The following NELL2 variants were observed in gnomAD, a reference collection of about 807,000 sequenced individuals.
The protein encoded by NELL2 is neural EGFL like 2, also known as protein kinase C-binding protein NELL2.
A neutral mutation model predicts 109.6 loss-of-function variants in NELL2; 41 were observed. The observed-to-expected ratio is 0.37, with a 90% CI of 0.29 to 0.49. NELL2 has a LOEUF of 0.49. Among genes scored for constraint, NELL2 ranks in the 20% least tolerant of loss-of-function variants. The probability of loss-of-function intolerance (pLI) is 0.98; values close to 1 mark genes in which losing one functional copy is unlikely to be tolerated. For synonymous variants in NELL2, 355 were observed against 344.7 expected, an observed-to-expected ratio of 1.03 and a Z score of -0.33; for missense variants, 900 against 1,008.3, an observed-to-expected ratio of 0.89 and a Z score of 1.45.
At chr12:44,809,483 T>G (rs1943105766) in intron 3 of NELL2, among the ~76,000 whole-genome samples, 1 of 151,884 alleles carries the variant, frequency 6.6e-6, no homozygotes, top group Admixed American at 6.6e-5. Context: ...TACTGTCTGG[T>G]TTTTTTTAGG....
upstream of NELL2, among the ~76,000 whole-genome samples, chr12:44,916,477 A>G (rs1945829695): frequency 6.6e-6 from 1 of 152,188 alleles, no homozygotes. Flanking sequence ...ATAAGGAAGC[A>G]AGAGAATTCC....
At chr12:44,573,186 C>A (rs1304705299) in intron 15 of NELL2, among the ~76,000 whole-genome samples, 1 of 152,196 alleles carries the variant, frequency 6.6e-6, no homozygotes, top group East Asian at 1.9e-4. Flanking sequence ...GCTCTCAAGC[C>A]ATAGGAAATT....
At chr12:44,586,303 T>TAC (rs200206949) in intron 15 of NELL2, among the ~76,000 whole-genome samples, 23 of 149,682 alleles carry the variant, frequency 1.5e-4, no homozygotes, top group African/African-American at 5.4e-4. Flanking sequence ...TATAGATATA[T>TAC]ACACACACAC....
chr12:44,861,232 C>A (rs150392866), intron 2 of NELL2, among the ~76,000 whole-genome samples: 7 of 152,088 alleles, frequency 4.6e-5, no homozygotes, highest in African/African-American at 1.7e-4. Flanking sequence ...CTTGAGGAAA[C>A]GAAATAAAAA....
chr12:44,603,504 G>C (rs1376848329), intron 15 of NELL2, among the ~76,000 whole-genome samples: 1 of 152,126 alleles, frequency 6.6e-6, no homozygotes, highest in Non-Finnish European at 1.5e-5. Flanking sequence ...TGATAAAGCT[G>C]TAAACCTTGG....
intron 9 of NELL2, among the ~76,000 whole-genome samples, chr12:44,726,127 T>TA (rs564534183): frequency 6.6e-6 from 1 of 151,946 alleles, no homozygotes; most frequent in Admixed American, 6.6e-5. Context: ...ATAAATAATT[T>TA]AAAAAAATAA....
At position 44,760,469 on chromosome 12, in the gene NELL2, G is replaced by A. The variant is rs7964089; in HGVS notation, c.994+14278C>T. On this transcript the variant is annotated intron_variant, in intron 9 of 19. Transcript: ENST00000429094. ...GAAATTTTTAAAAAGACGAGTGATG[G>A]TAGATTTGCTCTCCTGGATAATAAC... 6.4e-3 allele frequency among the ~76,000 whole-genome samples: 967 copies of A among 152,156 alleles called. 14 individuals are homozygous for A. The highest frequency in any genetic ancestry group is 0.022 in the African/African-American group (917 of 41,516).
chr12:44,859,458 T>C (rs906984325), intron 2 of NELL2, among the ~76,000 whole-genome samples: 4 of 152,176 alleles, frequency 2.6e-5, no homozygotes, highest in Non-Finnish European at 4.4e-5. Context: ...GGAGAATCGC[T>C]TGAACCCAGG....
At chr12:44,649,819 G>C (rs1312557928) in intron 13 of NELL2, among the ~76,000 whole-genome samples, 1 of 152,178 alleles carries the variant, frequency 6.6e-6, no homozygotes, top group Non-Finnish European at 1.5e-5. Context: ...AAAAGACTGA[G>C]AGTTGCCTGT....
rs546391829 is a variant in NELL2, at chr12:44,660,998, G to A, written c.1444+4486C>T. ...AAGGCCATTTCCTGAGGGTCCACAC[G>A]TGTCCACTAAAGCGTTAACTGAATG... On this transcript the variant is annotated intron_variant, in intron 13 of 19. Transcript: ENST00000429094. Among the ~76,000 whole-genome samples the A allele has an allele frequency of 3.9e-5, 6 of 152,152 alleles. No individual in the cohort carries two copies. In the South Asian group the frequency reaches 6.2e-4, roughly 16 times the overall value.
chr12:44,521,570 G>A (rs1490386405), intron 18 of NELL2, among the ~76,000 whole-genome samples: 1 of 151,280 alleles, frequency 6.6e-6, no homozygotes, highest in African/African-American at 2.4e-5. Context: ...GGGAGGCGGA[G>A]TTGCTTTGTT....
chr12:44,670,701 C>G (rs1041041472), intron 12 of NELL2, among the ~76,000 whole-genome samples: 4 of 151,472 alleles, frequency 2.6e-5, no homozygotes, highest in Non-Finnish European at 2.9e-5. Flanking sequence ...ATAAAAAGGG[C>G]CAAAGTAGGT....
At chr12:44,655,774 A>C (rs1421045353) in intron 13 of NELL2, among the ~76,000 whole-genome samples, 1 of 152,190 alleles carries the variant, frequency 6.6e-6, no homozygotes, top group Non-Finnish European at 1.5e-5. Context: ...GATCATGTTT[A>C]TATTTTCAAA....
intron 15 of NELL2, among the ~76,000 whole-genome samples, chr12:44,588,495 G>T (rs1388619038): frequency 1.3e-5 from 2 of 152,154 alleles, no homozygotes; most frequent in Non-Finnish European, 2.9e-5. Flanking sequence ...AGGATAATTT[G>T]TCTCAGGGAT....
At position 44,774,535 on chromosome 12, in the gene NELL2, C is replaced by G. The variant is rs892732088; in HGVS notation, c.994+212G>C. ...TACTATCACTATATGGAATAGATTA[C>G]TCCAAGAAAAAATTGTCCTACTGGA... On this transcript the variant is annotated intron_variant, in intron 9 of 19. Coordinates refer to ENST00000429094, the MANE Select transcript of NELL2 (RefSeq NM_001145108.2). The G allele has an allele frequency of 9.3e-6, 5 of 535,800 alleles. No individual in the cohort carries two copies. The African/African-American group carries it at 9.6e-5, about 10-fold the overall frequency. 33.2% of individuals were successfully genotyped at this position (535,800 alleles called of 1,614,324 possible).
chr12:44,521,829 C>T, intron 18 of NELL2, 171 bp downstream of exon 18: 1 of 610,128 alleles, frequency 1.6e-6, no homozygotes, highest in East Asian at 2.8e-5. Flanking sequence ...AATATTCCTT[C>T]TTGGGTTGTG....
chr12:44,597,659 C>A (rs1197676267), intron 15 of NELL2, among the ~76,000 whole-genome samples: 1 of 152,074 alleles, frequency 6.6e-6, no homozygotes, highest in Non-Finnish European at 1.5e-5. Context: ...TATTAATATT[C>A]ATGGACTGCC....
At chr12:44,721,836 A>G (rs1938790143) in intron 9 of NELL2, among the ~76,000 whole-genome samples, 1 of 152,128 alleles carries the variant, frequency 6.6e-6, no homozygotes, top group African/African-American at 2.4e-5. Context: ...AAAACAAAAG[A>G]GGTAACTATT....
At chr12:44,887,390 A>C (rs1010118916) in intron 1 of NELL2, among the ~76,000 whole-genome samples, 1 of 151,912 alleles carries the variant, frequency 6.6e-6, no homozygotes, top group East Asian at 1.9e-4. Context: ...TTCCACCAAG[A>C]GTATACAAGG....
Sources: gnomAD v4.1 joint callset for allele counts (sites outside exome capture counted in the v4.1 genomes callset) on GRCh38, gnomAD v4.1.1 for gene constraint, MANE v1.5 for transcripts, NCBI Gene and HGNC (gene_info 2026-07-23, HGNC 2026-07-21) for gene names.